The following DPP8 variants were observed in gnomAD, a reference collection of about 807,000 sequenced individuals.
DPP8 encodes the protein DPP VIII.
DPP8 carries 31 observed loss-of-function variants against 107.5 expected under a neutral mutation model. The observed-to-expected ratio is 0.29, with a 90% CI of 0.22 to 0.39. The LOEUF (loss-of-function observed/expected upper bound fraction) is 0.39. Among genes scored for constraint, DPP8 ranks in the 10% least tolerant of loss-of-function variants. DPP8 has a pLI of 1.00. For missense variants in DPP8, 842 were observed against 1,076.1 expected (o/e 0.78, Z 3.04); for synonymous variants, 381 against 356.6 (o/e 1.07, Z -0.77).
Position 65,461,587 on chromosome 15 carries a change from T to C in DPP8, c.1971+2174A>G, listed in dbSNP as rs552864396. Among the ~76,000 whole-genome samples the C allele has an allele frequency of 7.2e-4, 103 of 142,250 alleles. 1 individual carries two copies. Among genetic ancestry groups the C allele is most frequent in the African/African-American group, 2.5e-3 (98 of 39,976 alleles). The allele number at this position is 142,250 out of a possible 152,430, so 93.3% of individuals were successfully genotyped here. A position where few individuals can be genotyped will look rare whatever the true frequency, so the allele number is the denominator to read the frequency against. ...TTGAGAGTGTCCTATGATTTTTCTC[T>C]TGAGTTGCTTTCTATTAAGCCTTTT... is the stretch of plus-strand genomic sequence containing the variant. On this transcript the variant is annotated intron_variant, in intron 15 of 19. Coordinates refer to ENST00000300141, the MANE Select transcript of DPP8 (RefSeq NM_130434.5).
intron 12 of DPP8, among the ~76,000 whole-genome samples, chr15:65,473,308 G>C (rs352468): frequency 6.8e-6 from 1 of 146,296 alleles, no homozygotes; most frequent in Non-Finnish European, 1.5e-5. Context: ...CTGGGCGACA[G>C]AGTGAGACTC....
intron 11 of DPP8, among the ~76,000 whole-genome samples, chr15:65,477,951 G>A (rs953729441): frequency 1.3e-5 from 2 of 152,136 alleles, no homozygotes; most frequent in Non-Finnish European, 2.9e-5. Flanking sequence ...TATTATTAAA[G>A]TTGAGAACTG....
Position 65,446,176 on chromosome 15 carries a change from A to G in DPP8, c.*708T>C, listed in dbSNP as rs1416198334. On this transcript the variant is annotated 3_prime_UTR_variant, in exon 20 of 20. Coordinates refer to ENST00000300141, the MANE Select transcript of DPP8 (RefSeq NM_130434.5). ...TATCATGACTAATTAAATCCATGCT[A>G]CATATACAGTTACTAGCCTTTATGC... 1 of 152,126 alleles carries G rather than the reference A, an allele frequency of 6.6e-6. No individual in the cohort carries two copies. Among genetic ancestry groups the G allele is most frequent in the Non-Finnish European group, 1.5e-5 (1 of 68,028 alleles). The allele number at this position is 152,126 out of a possible 1,614,324, so 9.4% of individuals were successfully genotyped here.
chr15:65,455,698 T>A (rs760217969), intron 16 of DPP8: 1 of 1,208,354 alleles, frequency 8.3e-7, no homozygotes, highest in Non-Finnish European at 1.0e-6. Context: ...TGGGAGAAAA[T>A]CCCCATGTCT....
Position 65,474,241 on chromosome 15 carries a change from C to T in DPP8, c.1504G>A (p.Glu502Lys). The change falls in exon 12 of 20, where the codon GAA becomes AAA. Residue 502 changes from glutamate (E) to lysine (K), a missense_variant. By Grantham distance (56) the Glu-to-Lys change is moderately conservative. This residue lies in a region of DPP8 where 663 missense variants were observed against 758.0 expected (regional missense o/e 0.87). Transcript: ENST00000300141. ...CCATGCCGGCCAAGAACTTCCCATT[C>T]ACCACTGGTAATTGCTATCTCCTCT... The part of the protein sequence containing the change: ...IKEEIAITSG[E>K]WEVLGRHGSN... 6.2e-7 allele frequency: 1 copy of T among 1,612,960 alleles called. No homozygotes were observed. The highest frequency in any genetic ancestry group is 1.1e-5 in the South Asian group (1 of 91,058).
chr15:65,458,610 G>A (rs187464231), intron 15 of DPP8: 3 of 152,220 alleles, frequency 2.0e-5, no homozygotes, highest in African/African-American at 7.2e-5. Context: ...GAAAGTTTAA[G>A]GAACTGATCC....
rs2063341384 is a variant in DPP8, at chr15:65,442,741, T to C, written c.*4143A>G. Reference sequence around the variant, plus strand: ...AAACATACAAACACTACTTTTTCTTTATCTGTAAAGGACTTATGAAATGAT... The same window carrying C: ...AAACATACAAACACTACTTTTTCTTCATCTGTAAAGGACTTATGAAATGAT... On this transcript the variant is annotated 3_prime_UTR_variant, in exon 20 of 20. Transcript: ENST00000300141. 1 of 152,362 alleles carries C rather than the reference T, an allele frequency of 6.6e-6. No homozygotes were observed. The highest frequency in any genetic ancestry group is 6.5e-5 in the Admixed American group (1 of 15,310). 9.4% of individuals were successfully genotyped at this position (152,362 alleles called of 1,614,324 possible).
chr15:65,495,973 TG>T (rs1328962508), intron 5 of DPP8, among the ~76,000 whole-genome samples: 1 of 151,950 alleles, frequency 6.6e-6, no homozygotes, highest in African/African-American at 2.4e-5. Context: ...CTGTTAACAA[TG>T]ATTTTCTTTC....
chr15:65,494,037 A>G (rs1378139288), intron 5 of DPP8, among the ~76,000 whole-genome samples: 2 of 143,746 alleles, frequency 1.4e-5, no homozygotes, highest in East Asian at 3.9e-4. Flanking sequence ...TTGATGTGCT[A>G]TTAATTAATA....
chr15:65,457,015 C>T (rs971447845), intron 15 of DPP8, among the ~76,000 whole-genome samples: 2 of 152,178 alleles, frequency 1.3e-5, no homozygotes, highest in Non-Finnish European at 2.9e-5. Context: ...AGAGGTCTTG[C>T]CATCCCCTTT....
At chr15:65,465,569 C>CT (rs556724106) in intron 14 of DPP8, among the ~76,000 whole-genome samples, 7,915 of 128,548 alleles carry the variant, frequency 0.062, 654 homozygotes, top group African/African-American at 0.19. Context: ...CCAGTCCATT[C>CT]TTTTTTTTTT....
At chr15:65,474,325 C>G (rs1379584663) in intron 11 of DPP8, 37 bp from the exon 12 acceptor site, 1 of 1,402,404 alleles carries the variant, frequency 7.1e-7, no homozygotes, top group African/African-American at 1.4e-5. Flanking sequence ...GTACATTATA[C>G]CAGACTATAA....
chr15:65,516,038 T>G, intron 1 of DPP8: 2 of 393,770 alleles, frequency 5.1e-6, no homozygotes, highest in Admixed American at 4.4e-5. Flanking sequence ...AACTTTGGTG[T>G]CCAGACAAAG....
intron 11 of DPP8, chr15:65,475,479 G>T: frequency 2.0e-6 from 3 of 1,531,602 alleles, no homozygotes; most frequent in Non-Finnish European, 2.7e-6. Flanking sequence ...TGGGGTCCCT[G>T]TCTCACTCCC....
At position 65,454,699 on chromosome 15, in the gene DPP8, G is replaced by T. The variant is rs193008753; in HGVS notation, c.2119-284C>A. On this transcript the variant is annotated intron_variant, in intron 16 of 19. Transcript: ENST00000300141. ...GCGCCACCATGCCCAGCTAATTTTT[G>T]TATTTTTTAGTAGAGACGGAGTTTC... 6.6e-5 allele frequency among the ~76,000 whole-genome samples: 10 copies of T among 151,394 alleles called. No homozygotes were observed. In the East Asian group the frequency reaches 2.0e-3, roughly 30 times the overall value.
intron 11 of DPP8, among the ~76,000 whole-genome samples, chr15:65,476,943 A>G (rs1161090432): frequency 6.6e-6 from 1 of 152,216 alleles, no homozygotes; most frequent in African/African-American, 2.4e-5. Context: ...GCCAGTCAAA[A>G]AAGGACAAAA....
intron 19 of DPP8, among the ~76,000 whole-genome samples, chr15:65,449,223 A>G (rs2063785699): frequency 6.8e-6 from 1 of 146,264 alleles, no homozygotes; most frequent in East Asian, 2.0e-4. Context: ...AAGAAAAAAA[A>G]TAAAAATAAA....
At chr15:65,502,903 G>T (rs904245291) in intron 3 of DPP8, 47 of 151,912 alleles carry the variant, frequency 3.1e-4, no homozygotes, top group African/African-American at 1.1e-3. Context: ...CGTGTATATG[G>T]GAAACTGTAA....
chr15:65,463,414 T>C (rs1322846590), intron 15 of DPP8, among the ~76,000 whole-genome samples: 1 of 152,132 alleles, frequency 6.6e-6, no homozygotes, highest in Non-Finnish European at 1.5e-5. Flanking sequence ...TGGTGATGTA[T>C]GCCTGTAATC....
Sources: gnomAD v4.1 joint callset for allele counts (sites outside exome capture counted in the v4.1 genomes callset) on GRCh38, gnomAD v4.1.1 for gene constraint, gnomAD v4.1.1 regional missense constraint, MANE v1.5 for transcripts, NCBI Gene and HGNC (gene_info 2026-07-23, HGNC 2026-07-21) for gene names.